Variants in GAB2 observed in about 807,000 individuals in gnomAD.
GAB2 encodes the protein GRB2-associated-binding protein 2.
A neutral mutation model predicts 65.5 loss-of-function variants in GAB2; 26 were observed. The observed-to-expected ratio is 0.40, with a 90% CI of 0.29 to 0.55. The LOEUF (loss-of-function observed/expected upper bound fraction) is 0.55, where lower values mean the gene tolerates loss of function less well. Ranked by LOEUF, GAB2 falls within the 20% of genes least tolerant of loss-of-function variation. The pLI is 0.53. For synonymous variants in GAB2, 321 were observed against 329.6 expected (o/e 0.97, Z 0.28); for missense variants, 884 against 875.8 (o/e 1.01, Z -0.12).
At chr11:78,395,371 T>C (rs1404242859) in intron 1 of GAB2, among the ~76,000 whole-genome samples, 1 of 152,208 alleles carries the variant, frequency 6.6e-6, no homozygotes, top group East Asian at 1.9e-4. Context: ...GGGGAATCAC[T>C]TGAACCCAGG....
intron 1 of GAB2, among the ~76,000 whole-genome samples, chr11:78,297,636 G>A (rs938634655): frequency 6.6e-6 from 1 of 152,086 alleles, no homozygotes; most frequent in Non-Finnish European, 1.5e-5. Flanking sequence ...GGAGGTCATG[G>A]CTGGAACACA....
chr11:78,330,425 T>C (rs1379079390), intron 1 of GAB2, among the ~76,000 whole-genome samples: 1 of 152,168 alleles, frequency 6.6e-6, no homozygotes, highest in African/African-American at 2.4e-5. Flanking sequence ...CAAGTATCCA[T>C]TCAAGAAAAT....
At chr11:78,346,720 TAA>T (rs1491143632) in intron 1 of GAB2, among the ~76,000 whole-genome samples, 905 of 63,524 alleles carry the variant, frequency 0.014, 31 homozygotes, top group East Asian at 0.052. Flanking sequence ...TATATATATA[TAA>T]TTTTTTTTTT....
At chr11:78,400,523 C>T (rs1356324311) in intron 1 of GAB2, among the ~76,000 whole-genome samples, 2 of 152,160 alleles carry the variant, frequency 1.3e-5, no homozygotes, top group Non-Finnish European at 2.9e-5. Flanking sequence ...TGCTCAGGAA[C>T]CTGTATTTCT....
At chr11:78,252,833 G>A (rs1442523340) in intron 2 of GAB2, among the ~76,000 whole-genome samples, 2 of 151,856 alleles carry the variant, frequency 1.3e-5, no homozygotes, top group South Asian at 2.1e-4. Flanking sequence ...TTCATCACTC[G>A]TGTTCCCTGT....
chr11:78,336,861 A>G (rs1856011707), intron 1 of GAB2, among the ~76,000 whole-genome samples: 1 of 152,244 alleles, frequency 6.6e-6, no homozygotes, highest in African/African-American at 2.4e-5. Flanking sequence ...AACAAAATAA[A>G]CCAAAGAATT....
chr11:78,356,807 A>G (rs1452346506), intron 1 of GAB2, among the ~76,000 whole-genome samples: 1 of 152,258 alleles, frequency 6.6e-6, no homozygotes, highest in Non-Finnish European at 1.5e-5. Context: ...ACAATGGAAT[A>G]TGATTTCAGC....
intron 1 of GAB2, among the ~76,000 whole-genome samples, chr11:78,407,697 G>GAAAA (rs1466180769): frequency 8.6e-6 from 1 of 116,904 alleles, no homozygotes; most frequent in Non-Finnish European, 1.8e-5. Flanking sequence ...AAGAAAGAAA[G>GAAAA]AAAGAGATGG....
chr11:78,245,241 T>C (rs1012900409), intron 3 of GAB2, among the ~76,000 whole-genome samples: 2 of 152,186 alleles, frequency 1.3e-5, no homozygotes, highest in African/African-American at 4.8e-5. Flanking sequence ...TATATAACAA[T>C]ATGAATGTAC....
chr11:78,244,575 CA>C (rs58702736), intron 3 of GAB2, among the ~76,000 whole-genome samples: 28,194 of 124,182 alleles, frequency 0.23, 2,904 homozygotes, highest in East Asian at 0.44. Flanking sequence ...AACTCAACAG[CA>C]AAAAAAAACA....
rs144849898 is a variant in GAB2, at chr11:78,240,251, A to G, written c.620+9906T>C. On this transcript the variant is annotated intron_variant, in intron 3 of 9. Transcript: ENST00000361507. ...TAATATGGTTCCCTGCATTCCAGGG[A>G]AAGGATGCCTGGGCTACTCAGAACA... Among the ~76,000 whole-genome samples the G allele has an allele frequency of 8.9e-3, 1,358 of 152,192 alleles. 43 individuals are homozygous for G. Among genetic ancestry groups the G allele is most frequent in the Admixed American group, 0.061 (938 of 15,290 alleles).
rs929185765 is a variant in GAB2, at chr11:78,368,600, A to G, written c.75+49046T>C. Among the ~76,000 whole-genome samples, 3 of 152,218 alleles carry G rather than the reference A, an allele frequency of 2.0e-5. No homozygotes were observed. The South Asian group carries it at 6.2e-4, about 31-fold the overall frequency. The stretch of plus-strand genomic sequence containing the variant: ...TACTACACGAAGGAAGAATTTCACT[A>G]AATACTAGTGCATACCAAATGAGAA... On this transcript the variant is annotated intron_variant, in intron 1 of 9. Transcript: ENST00000361507.
chr11:78,405,237 T>G (rs1591092299), intron 1 of GAB2, among the ~76,000 whole-genome samples: 2 of 151,982 alleles, frequency 1.3e-5, no homozygotes, highest in East Asian at 3.9e-4. Flanking sequence ...GAGCTGGAAC[T>G]ACAGGTGCCT....
chr11:78,373,682 C>T (rs1049890623), intron 1 of GAB2, among the ~76,000 whole-genome samples: 1 of 152,168 alleles, frequency 6.6e-6, no homozygotes, highest in Non-Finnish European at 1.5e-5. Context: ...TTAAGTAATA[C>T]ATGTAAATTG....
chr11:78,380,765 C>G (rs112000773), intron 1 of GAB2, among the ~76,000 whole-genome samples: 1,784 of 151,560 alleles, frequency 0.012, 31 homozygotes, highest in African/African-American at 0.041. Context: ...AACTTCTGCC[C>G]CCATTCCCCA....
chr11:78,336,480 G>T (rs201868072), intron 1 of GAB2, among the ~76,000 whole-genome samples: 31 of 127,604 alleles, frequency 2.4e-4, no homozygotes, highest in East Asian at 3.9e-4. Context: ...AATAGTTGTT[G>T]TTTTTTTTTT....
chr11:78,219,565 CTCTT>C, intron 9 of GAB2, 150 bp from the exon 10 acceptor site: 1 of 702,370 alleles, frequency 1.4e-6, no homozygotes, highest in Admixed American at 2.5e-5. Flanking sequence ...AGCCTGGCTT[CTCTT>C]TCTGAATGTG....
chr11:78,273,284 G>C (rs184548292), intron 2 of GAB2, among the ~76,000 whole-genome samples: 1 of 152,342 alleles, frequency 6.6e-6, no homozygotes, highest in East Asian at 1.9e-4. Context: ...GACATTCAAT[G>C]CTAGCCCATG....
At position 78,269,690 on chromosome 11, in the gene GAB2, C is replaced by T. The variant is rs770510898; in HGVS notation, c.376+10911G>A. Among the ~76,000 whole-genome samples, 4 of 152,188 alleles carry T rather than the reference C, an allele frequency of 2.6e-5. No individual in the cohort carries two copies. In the East Asian group the frequency reaches 7.7e-4, roughly 29 times the overall value. ...AAAATAATTTGAGTGTTGACTTACT[C>T]GGGAAACTTAAGGATTACTAGAAGT... On this transcript the variant is annotated intron_variant, in intron 2 of 9. Coordinates refer to ENST00000361507, the MANE Select transcript of GAB2 (RefSeq NM_080491.3).
Sources: gnomAD v4.1 joint callset for allele counts (sites outside exome capture counted in the v4.1 genomes callset) on GRCh38, gnomAD v4.1.1 for gene constraint, MANE v1.5 for transcripts, NCBI Gene and HGNC (gene_info 2026-07-23, HGNC 2026-07-21) for gene names.